Variants in TMCC1 observed in about 807,000 individuals in gnomAD.
TMCC1 encodes transmembrane and coiled-coil domain family 1, also known as transmembrane and coiled-coil domains protein 1.
Under a neutral mutation model 52.4 loss-of-function variants are expected in TMCC1, and 15 were observed. The ratio of observed to expected loss-of-function variants is 0.29; its 90% CI spans 0.19 to 0.44. The LOEUF (loss-of-function observed/expected upper bound fraction) is 0.44. Ranked by LOEUF, TMCC1 falls within the 20% of genes least tolerant of loss-of-function variation. The pLI, the probability that TMCC1 is intolerant of heterozygous loss-of-function variation, is 1.00. For missense variants in TMCC1, 503 were observed against 806.0 expected (o/e 0.62, Z 4.55); for synonymous variants, 279 against 301.9 (o/e 0.92, Z 0.79).
At chr3:129,711,675 A>T (rs939506398) in intron 4 of TMCC1, among the ~76,000 whole-genome samples, 4 of 150,342 alleles carry the variant, frequency 2.7e-5, no homozygotes, top group Admixed American at 2.7e-4. Context: ...TGAAACCCTA[A>T]CTCTACTAAT....
At chr3:129,674,401 G>A (rs2088221733) in intron 4 of TMCC1, among the ~76,000 whole-genome samples, 1 of 152,056 alleles carries the variant, frequency 6.6e-6, no homozygotes. Context: ...TCAGCAGTAA[G>A]GTAGTTTAAC....
intron 2 of TMCC1, among the ~76,000 whole-genome samples, chr3:129,869,440 A>C (rs1489415957): frequency 6.6e-6 from 1 of 152,196 alleles, no homozygotes; most frequent in Non-Finnish European, 1.5e-5. Flanking sequence ...GGAAGGGGTC[A>C]CGAGAACCCC....
At chr3:129,754,667 C>A (rs908677874) in intron 4 of TMCC1, among the ~76,000 whole-genome samples, 5 of 151,982 alleles carry the variant, frequency 3.3e-5, no homozygotes, top group African/African-American at 1.2e-4. Context: ...AATATGTATC[C>A]CTGCCAAAAA....
intron 4 of TMCC1, among the ~76,000 whole-genome samples, chr3:129,681,463 G>T (rs7631333): frequency 0.016 from 2,373 of 150,404 alleles, 77 homozygotes; most frequent in African/African-American, 0.054. Context: ...TTTTTTTTCA[G>T]TAGGGAACTA....
At chr3:129,718,531 A>G (rs1379670661) in intron 4 of TMCC1, among the ~76,000 whole-genome samples, 1 of 152,238 alleles carries the variant, frequency 6.6e-6, no homozygotes, top group Non-Finnish European at 1.5e-5. Context: ...GTAAGAAGTG[A>G]GACTAGTGAC....
At chr3:129,699,523 T>A (rs1218752808) in intron 4 of TMCC1, among the ~76,000 whole-genome samples, 1 of 152,148 alleles carries the variant, frequency 6.6e-6, no homozygotes, top group Non-Finnish European at 1.5e-5. Flanking sequence ...ACAATACATA[T>A]CCTTAGTTGA....
chr3:129,859,376 T>C (rs1037184395), intron 2 of TMCC1, among the ~76,000 whole-genome samples: 1 of 152,164 alleles, frequency 6.6e-6, no homozygotes, highest in Admixed American at 6.6e-5. Flanking sequence ...GCTCACGCGT[T>C]ATCCCAGCAC....
chr3:129,878,797 A>G (rs538834566), intron 2 of TMCC1, among the ~76,000 whole-genome samples: 20 of 152,346 alleles, frequency 1.3e-4, no homozygotes, highest in Admixed American at 4.6e-4. Flanking sequence ...CTATGAAATT[A>G]GAGTCTAAAT....
At chr3:129,782,140 T>C (rs2055585597) in intron 4 of TMCC1, among the ~76,000 whole-genome samples, 1 of 152,128 alleles carries the variant, frequency 6.6e-6, no homozygotes, top group Non-Finnish European at 1.5e-5. Context: ...GGCAGCTGAG[T>C]TCTGTAGGTC....
intron 4 of TMCC1, among the ~76,000 whole-genome samples, chr3:129,740,934 C>T (rs1168755664): frequency 6.6e-6 from 1 of 152,160 alleles, no homozygotes; most frequent in Non-Finnish European, 1.5e-5. Flanking sequence ...ATACCTTTAA[C>T]CTTATTAACA....
intron 2 of TMCC1, among the ~76,000 whole-genome samples, chr3:129,870,217 A>G (rs985176203): frequency 6.6e-6 from 1 of 152,108 alleles, no homozygotes; most frequent in Non-Finnish European, 1.5e-5. Context: ...TTTCAGCATT[A>G]TACTCTTGCT....
chr3:129,822,691 G>A (rs779203374), intron 4 of TMCC1, among the ~76,000 whole-genome samples: 1 of 152,142 alleles, frequency 6.6e-6, no homozygotes, highest in Admixed American at 6.5e-5. Context: ...CAAAACAAGA[G>A]GGAACCCAGG....
chr3:129,717,625 C>A (rs142674056), intron 4 of TMCC1, among the ~76,000 whole-genome samples: 253 of 152,346 alleles, frequency 1.7e-3, no homozygotes, highest in Middle Eastern at 0.01. Flanking sequence ...CAAATCTATT[C>A]TTCCAGCTGT....
chr3:129,729,330 T>G (rs6806869), intron 4 of TMCC1, among the ~76,000 whole-genome samples: 1 of 152,152 alleles, frequency 6.6e-6, no homozygotes, highest in Non-Finnish European at 1.5e-5. Flanking sequence ...TATCTTTTTA[T>G]GTATTTAGTT....
intron 4 of TMCC1, among the ~76,000 whole-genome samples, chr3:129,786,647 A>T (rs1373458967): frequency 2.6e-5 from 4 of 152,236 alleles, no homozygotes; most frequent in Non-Finnish European, 5.9e-5. Flanking sequence ...CACAAAAATT[A>T]AAAGCTCACG....
At chr3:129,675,488 C>G (rs1363010323) in intron 4 of TMCC1, among the ~76,000 whole-genome samples, 1 of 152,138 alleles carries the variant, frequency 6.6e-6, no homozygotes, top group Non-Finnish European at 1.5e-5. Context: ...AGAACAATAC[C>G]TGGCACTGAG....
intron 4 of TMCC1, among the ~76,000 whole-genome samples, chr3:129,741,251 T>C (rs1028185028): frequency 6.6e-6 from 1 of 152,180 alleles, no homozygotes; most frequent in African/African-American, 2.4e-5. Flanking sequence ...ATCCCTTACA[T>C]AATTGTTTTG....
At chr3:129,670,009 CACAGTTCTAAGAATT>C (rs142152413) in intron 5 of TMCC1, among the ~76,000 whole-genome samples, 2 of 152,324 alleles carry the variant, frequency 1.3e-5, no homozygotes, top group African/African-American at 4.8e-5. Flanking sequence ...TTGATATCTA[CACAGTTCTAAGAATT>C]ACAGATCTTT....
chr3:129,744,026 T>C (rs771086563), intron 4 of TMCC1, among the ~76,000 whole-genome samples: 9 of 152,180 alleles, frequency 5.9e-5, no homozygotes, highest in Non-Finnish European at 1.0e-4. Flanking sequence ...CCTAAGAGTA[T>C]GATTTTAAAA....
Sources: gnomAD v4.1 joint callset for allele counts (sites outside exome capture counted in the v4.1 genomes callset) on GRCh38, gnomAD v4.1.1 for gene constraint, MANE v1.5 for transcripts, NCBI Gene and HGNC (gene_info 2026-07-23, HGNC 2026-07-21) for gene names.